LINGO1: variants seen among roughly 807,000 people sequenced by gnomAD.
LINGO1 encodes the protein leucine-rich repeat and immunoglobulin-like domain-containing nogo receptor-interacting protein 1.
Under a neutral mutation model 37.3 loss-of-function variants are expected in LINGO1, and 11 were observed. The observed-to-expected ratio is 0.29, with a 90% CI of 0.19 to 0.49. The LOEUF (loss-of-function observed/expected upper bound fraction) is 0.49. Among genes scored for constraint, LINGO1 ranks in the 20% least tolerant of loss-of-function variants. LINGO1 has a pLI of 0.99. For synonymous variants in LINGO1, 387 were observed against 403.0 expected (o/e 0.96, Z 0.48); for missense variants, 585 against 878.2 (o/e 0.67, Z 4.22).
At chr15:77,644,690 G>A (rs924950502) in intron 3 of LINGO1, among the ~76,000 whole-genome samples, 1 of 152,222 alleles carries the variant, frequency 6.6e-6, no homozygotes, top group African/African-American at 2.4e-5. Flanking sequence ...GAGGGACACA[G>A]CACTGGCTGG....
At chr15:77,767,170 C>T (rs1381172136) in intron 1 of LINGO1, among the ~76,000 whole-genome samples, 1 of 152,160 alleles carries the variant, frequency 6.6e-6, no homozygotes, top group Non-Finnish European at 1.5e-5. Flanking sequence ...TATCAGAACA[C>T]AGGGAGAAAG....
At position 77,813,239 on chromosome 15, in the gene LINGO1, T is replaced by C. The variant is rs189902101; in HGVS notation, c.-458+7019A>G. 2.0e-4 allele frequency among the ~76,000 whole-genome samples: 30 copies of C among 152,328 alleles called. No individual in the cohort carries two copies. The East Asian group carries it at 5.2e-3, about 26-fold the overall frequency. ...GAGGGGTGGCCAATAGAAGGTTTTT[T>C]TTTTAATGAGGCATTTGGGCTAAGC... On this transcript the variant is annotated intron_variant, in intron 1 of 5. Transcript: ENST00000562933.
chr15:77,616,436 G>A (rs1280924459), intron 1 of LINGO1, among the ~76,000 whole-genome samples: 1 of 152,144 alleles, frequency 6.6e-6, no homozygotes, highest in Non-Finnish European at 1.5e-5. Context: ...GGCCCCACTC[G>A]CTCAGCCCTG....
At chr15:77,669,329 C>T (rs1381100977) in intron 3 of LINGO1, among the ~76,000 whole-genome samples, 2 of 152,240 alleles carry the variant, frequency 1.3e-5, no homozygotes, top group South Asian at 2.1e-4. Context: ...TCCCCCATCC[C>T]TTTGCCTCCC....
At chr15:77,777,342 TACACAC>T (rs372625740) in intron 1 of LINGO1, among the ~76,000 whole-genome samples, 1 of 147,658 alleles carries the variant, frequency 6.8e-6, no homozygotes, top group Non-Finnish European at 1.5e-5. Flanking sequence ...GCCCCTCCCA[TACACAC>T]ACACACACAC....
At chr15:77,672,265 C>T (rs1033929080) in intron 3 of LINGO1, among the ~76,000 whole-genome samples, 11 of 152,008 alleles carry the variant, frequency 7.2e-5, no homozygotes, top group African/African-American at 2.7e-4. Flanking sequence ...CAACCCTCCC[C>T]TTTCACCCCT....
chr15:77,768,444 G>A (rs62007820), intron 1 of LINGO1, among the ~76,000 whole-genome samples: 32,307 of 152,214 alleles, frequency 0.21, 3,895 homozygotes, highest in Middle Eastern at 0.29. Context: ...TACAAAAAAG[G>A]CAGCCAGCCA....
chr15:77,646,828 A>G (rs2074641728), intron 3 of LINGO1, among the ~76,000 whole-genome samples: 1 of 143,456 alleles, frequency 7.0e-6, no homozygotes, highest in South Asian at 2.1e-4. Context: ...GGAAACATTA[A>G]TAATGTCTAA....
chr15:77,732,156 T>G (rs1182302653), intron 2 of LINGO1, among the ~76,000 whole-genome samples: 1 of 152,148 alleles, frequency 6.6e-6, no homozygotes. Context: ...AGAGAAACCA[T>G]GAACCCAAGT....
intron 2 of LINGO1, among the ~76,000 whole-genome samples, chr15:77,719,350 T>C (rs1448537500): frequency 1.3e-5 from 2 of 149,688 alleles, no homozygotes; most frequent in African/African-American, 4.8e-5. Context: ...CCATCTCCAT[T>C]CGGTCCCTTT....
chr15:77,671,045 CA>C (rs1010959647), intron 3 of LINGO1, among the ~76,000 whole-genome samples: 30 of 152,318 alleles, frequency 2.0e-4, no homozygotes, highest in African/African-American at 5.8e-4. Context: ...CCTCCCCTCC[CA>C]AAAGCCTTAC....
chr15:77,690,975 T>C (rs1206922015), intron 1 of LINGO1: 3 of 152,256 alleles, frequency 2.0e-5, no homozygotes, highest in African/African-American at 7.2e-5. Context: ...GTAGGGCAGA[T>C]GGTGGCCACA....
chr15:77,621,835 G>C (rs935851187), intron 1 of LINGO1, among the ~76,000 whole-genome samples: 2 of 152,218 alleles, frequency 1.3e-5, no homozygotes, highest in African/African-American at 4.8e-5. Flanking sequence ...GGCAAGTTTA[G>C]TTATTCCAGG....
At chr15:77,620,758 C>T (rs1226716926) in intron 1 of LINGO1, among the ~76,000 whole-genome samples, 1 of 152,186 alleles carries the variant, frequency 6.6e-6, no homozygotes, top group East Asian at 1.9e-4. Flanking sequence ...GGGAGGGGGG[C>T]TCAGGATGGT....
At chr15:77,776,558 G>GGAAAGCAGGAAGGCAGGAA (rs1596218444) in intron 1 of LINGO1, among the ~76,000 whole-genome samples, 1 of 61,244 alleles carries the variant, frequency 1.6e-5, no homozygotes, top group Non-Finnish European at 3.8e-5. Flanking sequence ...GGGAGGGAGG[G>GGAAAGCAGGAAGGCAGGAA]AGCTGACTCT....
intron 1 of LINGO1, among the ~76,000 whole-genome samples, chr15:77,745,419 C>T (rs560487337): frequency 1.3e-4 from 19 of 149,718 alleles, no homozygotes; most frequent in Admixed American, 5.3e-4. Context: ...AGCAAGACTC[C>T]GTCTCAAAAG....
At chr15:77,731,798 C>G (rs2076156948) in intron 2 of LINGO1, among the ~76,000 whole-genome samples, 1 of 152,170 alleles carries the variant, frequency 6.6e-6, no homozygotes, top group African/African-American at 2.4e-5. Flanking sequence ...GTCACTGAAG[C>G]AGGGACAAGC....
At chr15:77,738,759 GGAAGGAA>G (rs1567555848) in intron 1 of LINGO1, among the ~76,000 whole-genome samples, 450 of 139,280 alleles carry the variant, frequency 3.2e-3, no homozygotes, top group East Asian at 8.2e-3. Context: ...AAGGAAGGAA[GGAAGGAA>G]GGAAGGAAGG....
chr15:77,759,706 G>T (rs1200312063), intron 1 of LINGO1, among the ~76,000 whole-genome samples: 1 of 152,230 alleles, frequency 6.6e-6, no homozygotes, highest in African/African-American at 2.4e-5. Flanking sequence ...CACTGGAGCC[G>T]GCGACTGGGG....
Sources: allele counts gnomAD v4.1 joint callset (sites outside exome capture counted in the v4.1 genomes callset), GRCh38; gene constraint gnomAD v4.1.1; transcripts MANE v1.5; gene names NCBI Gene and HGNC (gene_info 2026-07-23, HGNC 2026-07-21).